Variants in SNTG2 observed in about 807,000 individuals in gnomAD.
The protein encoded by SNTG2 is syntrophin gamma 2.
Under a neutral mutation model 70.9 loss-of-function variants are expected in SNTG2, and 74 were observed. The observed-to-expected ratio is 1.04, with a 90% confidence interval of 0.86 to 1.27. The LOEUF (loss-of-function observed/expected upper bound fraction) is 1.27. Ranked by LOEUF, SNTG2 falls within the 50% of genes most tolerant of loss-of-function variation. The probability of loss-of-function intolerance (pLI) is 0.00; values close to 1 mark genes in which losing one functional copy is unlikely to be tolerated. For missense variants in SNTG2, 717 were observed against 690.7 expected (o/e 1.04, Z -0.43); for synonymous variants, 278 against 273.8 (o/e 1.02, Z -0.15).
intron 6 of SNTG2, among the ~76,000 whole-genome samples, chr2:1,145,577 C>T (rs1186670338): frequency 2.0e-5 from 3 of 152,180 alleles, no homozygotes; most frequent in African/African-American, 7.2e-5. Flanking sequence ...CTTTCTCAAA[C>T]AGAAAGTGCC....
intron 1 of SNTG2, among the ~76,000 whole-genome samples, chr2:974,475 G>A (rs62105731): frequency 0.083 from 12,645 of 152,196 alleles, 754 homozygotes; most frequent in South Asian, 0.2. Context: ...GAGCGTTAGG[G>A]CATCAGTGCA....
At chr2:971,287 G>A (rs1660731047) in intron 1 of SNTG2, among the ~76,000 whole-genome samples, 1 of 151,146 alleles carries the variant, frequency 6.6e-6, no homozygotes, top group African/African-American at 2.4e-5. Context: ...TGGTTGATAG[G>A]CTTTTATTGT....
chr2:1,171,415 A>C (rs550474966), intron 7 of SNTG2, among the ~76,000 whole-genome samples: 1 of 152,248 alleles, frequency 6.6e-6, no homozygotes, highest in Non-Finnish European at 1.5e-5. Flanking sequence ...AGTCATTAAA[A>C]ATATTTTGAT....
chr2:1,217,805 T>G (rs536698884), intron 9 of SNTG2, among the ~76,000 whole-genome samples: 22 of 152,262 alleles, frequency 1.4e-4, no homozygotes, highest in African/African-American at 5.3e-4. Flanking sequence ...ATGCTAGAGT[T>G]TTGTCTGTCT....
intron 1 of SNTG2, among the ~76,000 whole-genome samples, chr2:1,062,846 G>GA (rs998487576): frequency 6.6e-6 from 1 of 152,036 alleles, no homozygotes; most frequent in Admixed American, 6.6e-5. Context: ...ATATAAAATG[G>GA]AAAAAATATG....
At chr2:1,199,740 AAAAT>A (rs1345597601) in intron 8 of SNTG2, among the ~76,000 whole-genome samples, 1 of 152,104 alleles carries the variant, frequency 6.6e-6, no homozygotes, top group African/African-American at 2.4e-5. Flanking sequence ...AACCAGCTGA[AAAAT>A]AAATCAAGAC....
intron 1 of SNTG2, among the ~76,000 whole-genome samples, chr2:999,180 G>A (rs201871569): frequency 6.6e-6 from 1 of 152,098 alleles, no homozygotes; most frequent in East Asian, 1.9e-4. Flanking sequence ...CATAATAAAA[G>A]CATACAAAAG....
At chr2:1,145,848 TACAC>T (rs1378288298) in intron 6 of SNTG2, among the ~76,000 whole-genome samples, 3 of 152,148 alleles carry the variant, frequency 2.0e-5, no homozygotes, top group Non-Finnish European at 4.4e-5. Flanking sequence ...TAAAAAGAAT[TACAC>T]ACCACAACCA....
intron 1 of SNTG2, among the ~76,000 whole-genome samples, chr2:1,036,004 G>A (rs1661108449): frequency 6.6e-6 from 1 of 152,050 alleles, no homozygotes; most frequent in African/African-American, 2.4e-5. Context: ...GGATTTTTCT[G>A]TAACCTTGTT....
chr2:1,161,355 T>C (rs1260652841), intron 6 of SNTG2: 1 of 140,526 alleles, frequency 7.1e-6, no homozygotes. Context: ...AAGCTGCTTT[T>C]AGATGCTGTG....
chr2:1,144,436 T>C (rs1387549566), intron 6 of SNTG2, among the ~76,000 whole-genome samples: 1 of 152,160 alleles, frequency 6.6e-6, no homozygotes, highest in African/African-American at 2.4e-5. Context: ...CATGAAGAAT[T>C]CACCAAGACA....
intron 8 of SNTG2, among the ~76,000 whole-genome samples, chr2:1,183,624 T>A (rs775902864): frequency 1.3e-5 from 2 of 152,212 alleles, no homozygotes; most frequent in African/African-American, 4.8e-5. Context: ...AATTAGCAAC[T>A]TTGTGATTCA....
At chr2:1,224,497 C>T (rs1675629443) in intron 9 of SNTG2, among the ~76,000 whole-genome samples, 1 of 152,202 alleles carries the variant, frequency 6.6e-6, no homozygotes, top group Non-Finnish European at 1.5e-5. Flanking sequence ...GTTACCTGCT[C>T]TGTGCTTACC....
rs531897676 is a variant in SNTG2 at position 1,003,977 on chromosome 2, T to C, written c.72+52909T>C. On this transcript the variant is annotated intron_variant, in intron 1 of 16. Transcript: ENST00000308624. ...TGAAATCCCCATGCAAACTGAATGCTTAATTTAATACCTGTCATGACCTGA... is the reference window on the plus strand; with the variant it reads ...TGAAATCCCCATGCAAACTGAATGCCTAATTTAATACCTGTCATGACCTGA... Among the ~76,000 whole-genome samples the C allele has an allele frequency of 6.6e-5, 10 of 152,320 alleles. No individual in the cohort carries two copies. In the South Asian group the frequency reaches 2.1e-3, roughly 32 times the overall value.
intron 6 of SNTG2, among the ~76,000 whole-genome samples, chr2:1,144,384 A>G (rs928538584): frequency 2.0e-5 from 3 of 152,160 alleles, no homozygotes; most frequent in African/African-American, 4.8e-5. Context: ...TCTACAGACT[A>G]CTTCACCCGA....
intron 1 of SNTG2, among the ~76,000 whole-genome samples, chr2:1,074,806 A>G (rs1163687410): frequency 6.6e-6 from 1 of 152,236 alleles, no homozygotes; most frequent in Non-Finnish European, 1.5e-5. Flanking sequence ...AATGACTATA[A>G]TAGGCTCAAG....
chr2:1,299,097 G>C (rs777430336), intron 14 of SNTG2, among the ~76,000 whole-genome samples: 2 of 152,148 alleles, frequency 1.3e-5, no homozygotes, highest in African/African-American at 4.8e-5. Context: ...TGTCTGTCTA[G>C]AGAACCCTGA....
At chr2:1,092,735 T>C (rs1181902108) in intron 2 of SNTG2, among the ~76,000 whole-genome samples, 1 of 152,204 alleles carries the variant, frequency 6.6e-6, no homozygotes, top group Non-Finnish European at 1.5e-5. Flanking sequence ...TTTTTGTTGA[T>C]GAGAAATGTA....
chr2:1,011,785 A>G (rs1659734785), intron 1 of SNTG2, among the ~76,000 whole-genome samples: 1 of 152,162 alleles, frequency 6.6e-6, no homozygotes. Flanking sequence ...GAAGAGATAA[A>G]TGCTTATTAT....
Sources: allele counts gnomAD v4.1 joint callset (sites outside exome capture counted in the v4.1 genomes callset), GRCh38; gene constraint gnomAD v4.1.1; transcripts MANE v1.5; gene names NCBI Gene and HGNC (gene_info 2026-07-23, HGNC 2026-07-21).